The following LDLRAD4 variants were observed in gnomAD, a reference collection of about 807,000 sequenced individuals.
LDLRAD4 encodes the protein low-density lipoprotein receptor class A domain-containing protein 4.
A neutral mutation model predicts 17.0 loss-of-function variants in LDLRAD4; 5 were observed. That is an observed-to-expected ratio of 0.29 (90% CI 0.15 to 0.62). LDLRAD4 has a LOEUF of 0.62. LDLRAD4 is among the 20% of genes least tolerant of loss of function. The pLI, the probability that LDLRAD4 is intolerant of heterozygous loss-of-function variation, is 0.84. For synonymous variants in LDLRAD4, 168 were observed against 171.8 expected (o/e 0.98, Z 0.17); for missense variants, 340 against 424.7 (o/e 0.80, Z 1.75).
intron 4 of LDLRAD4, among the ~76,000 whole-genome samples, chr18:13,636,081 T>C (rs1340173413): frequency 6.6e-6 from 1 of 152,062 alleles, no homozygotes; most frequent in Admixed American, 6.5e-5. Context: ...CAAAGAAAAA[T>C]GTTCTCATCC....
At chr18:13,609,208 G>A (rs2039246218) in intron 3 of LDLRAD4, among the ~76,000 whole-genome samples, 1 of 152,212 alleles carries the variant, frequency 6.6e-6, no homozygotes, top group Non-Finnish European at 1.5e-5. Flanking sequence ...TCTGAATGAA[G>A]GGAAAAGAAA....
chr18:13,301,122 A>G (rs1013597700), intron 1 of LDLRAD4, among the ~76,000 whole-genome samples: 5 of 152,188 alleles, frequency 3.3e-5, no homozygotes, highest in African/African-American at 1.2e-4. Context: ...AAGCATTTCC[A>G]GCCAGTGAGT....
At chr18:13,596,997 G>A (rs2095103892) in intron 3 of LDLRAD4, among the ~76,000 whole-genome samples, 1 of 152,172 alleles carries the variant, frequency 6.6e-6, no homozygotes, top group African/African-American at 2.4e-5. Flanking sequence ...TTATCATTAT[G>A]CAGTTATCTT....
chr18:13,227,370 C>T (rs1203053603), intron 1 of LDLRAD4, among the ~76,000 whole-genome samples: 1 of 152,204 alleles, frequency 6.6e-6, no homozygotes, highest in African/African-American at 2.4e-5. Context: ...AAGATGGCAC[C>T]ACTTTCTCTA....
At chr18:13,330,443 G>C (rs1276886537) in intron 1 of LDLRAD4, among the ~76,000 whole-genome samples, 8 of 152,064 alleles carry the variant, frequency 5.3e-5, no homozygotes, top group Non-Finnish European at 1.5e-5. Context: ...TGTATCTTCT[G>C]TTTCTTCAAG....
intron 4 of LDLRAD4, among the ~76,000 whole-genome samples, chr18:13,628,070 G>A (rs2041331264): frequency 6.6e-6 from 1 of 152,056 alleles, no homozygotes; most frequent in South Asian, 2.1e-4. Flanking sequence ...ATCCCTCGGA[G>A]GGCACAGGGA....
chr18:13,610,305 T>TTTTTTTTTTTTTTTTTTTTTTTTC lies in LDLRAD4; in HGVS notation c.182-10812_182-10811insTTTTTTTTTTTTTTTTTTTTTTTC, dbSNP rs1491536129. Among the ~76,000 whole-genome samples, 11 of 24,360 alleles carry TTTTTTTTTTTTTTTTTTTTTTTTC rather than the reference T, an allele frequency of 4.5e-4. 1 individual carries two copies. The highest frequency in any genetic ancestry group is 5.4e-4 in the African/African-American group (4 of 7,386). The allele number at this position is 24,360 out of a possible 152,430, so 16.0% of individuals were successfully genotyped here. A position where few individuals can be genotyped will look rare whatever the true frequency, so the allele number is the denominator to read the frequency against. ...TTTTTTTTTTTTTTTTTTTTTTTTT[T>TTTTTTTTTTTTTTTTTTTTTTTTC]GAGACGGAGTCTCACTCTGTCGCCC... On this transcript the variant is annotated intron_variant, in intron 3 of 5. Transcript: ENST00000359446.
chr18:13,358,754 T>C (rs1388503111), intron 1 of LDLRAD4, among the ~76,000 whole-genome samples: 1 of 152,228 alleles, frequency 6.6e-6, no homozygotes, highest in Admixed American at 6.5e-5. Flanking sequence ...CTGTAATTGA[T>C]ACTTAGAAAG....
intron 4 of LDLRAD4, among the ~76,000 whole-genome samples, chr18:13,623,575 C>T (rs2148830359): frequency 6.6e-6 from 1 of 152,354 alleles, no homozygotes; most frequent in East Asian, 1.9e-4. Flanking sequence ...TTTCATAAAA[C>T]ACAAGATGCA....
chr18:13,638,595 G>A (rs2042269721), intron 4 of LDLRAD4, among the ~76,000 whole-genome samples: 1 of 152,218 alleles, frequency 6.6e-6, no homozygotes, highest in Admixed American at 6.5e-5. Flanking sequence ...CCTGGGGCAG[G>A]TATAACAGCC....
At chr18:13,380,369 CTG>C (rs1287577345) in intron 1 of LDLRAD4, among the ~76,000 whole-genome samples, 3 of 152,208 alleles carry the variant, frequency 2.0e-5, no homozygotes, top group Non-Finnish European at 4.4e-5. Flanking sequence ...CCTGTGGCCG[CTG>C]TGTGTAGACA....
intron 1 of LDLRAD4, among the ~76,000 whole-genome samples, chr18:13,221,228 C>A (rs2041435818): frequency 6.6e-6 from 1 of 152,204 alleles, no homozygotes; most frequent in Non-Finnish European, 1.5e-5. Context: ...TGTATAGCGG[C>A]ACATGGATAT....
At chr18:13,539,208 C>T (rs999529848) in intron 3 of LDLRAD4, among the ~76,000 whole-genome samples, 1 of 152,128 alleles carries the variant, frequency 6.6e-6, no homozygotes, top group South Asian at 2.1e-4. Context: ...TTCGAGACCT[C>T]TGGGGAGACA....
intron 1 of LDLRAD4, chr18:13,242,170 G>T (rs1345911739): frequency 2.0e-5 from 3 of 152,248 alleles, no homozygotes; most frequent in African/African-American, 7.2e-5. Flanking sequence ...CCAAGAACGT[G>T]CTTCTGACTT....
intron 3 of LDLRAD4, among the ~76,000 whole-genome samples, chr18:13,595,866 A>C (rs751894454): frequency 8.5e-5 from 13 of 152,154 alleles, no homozygotes; most frequent in Non-Finnish European, 1.6e-4. Context: ...TGTTCTATAG[A>C]GGTCCATCTG....
chr18:13,559,336 C>G (rs2148184998), intron 3 of LDLRAD4, among the ~76,000 whole-genome samples: 1 of 152,272 alleles, frequency 6.6e-6, no homozygotes. Context: ...TCCCAGAGAC[C>G]TGGAAGAGGG....
intron 3 of LDLRAD4, among the ~76,000 whole-genome samples, chr18:13,592,500 GA>G (rs1200269451): frequency 6.6e-6 from 1 of 152,222 alleles, no homozygotes; most frequent in Admixed American, 6.5e-5. Context: ...TTAGGAAAGT[GA>G]ATGACTTGTC....
At position 13,550,817 on chromosome 18, in the gene LDLRAD4, G is replaced by A. The variant is rs568787348; in HGVS notation, c.182-70300G>A. ...CCGCTGTGAGTGGTGTCCAGAACCT[G>A]GCTCCAAGTCCCTTCCTCTGCGAGC... On this transcript the variant is annotated intron_variant, in intron 3 of 5. Coordinates refer to ENST00000359446, the Ensembl canonical transcript of LDLRAD4. Among the ~76,000 whole-genome samples, 6 of 152,278 alleles carry A rather than the reference G, an allele frequency of 3.9e-5. No homozygotes were observed. The South Asian group carries it at 1.2e-3, about 32-fold the overall frequency.
chr18:13,553,460 A>G (rs1334479429), intron 3 of LDLRAD4, among the ~76,000 whole-genome samples: 1 of 152,226 alleles, frequency 6.6e-6, no homozygotes, highest in African/African-American at 2.4e-5. Context: ...TAACACAGAA[A>G]TAAATTAAAT....
Sources: gnomAD v4.1 joint callset for allele counts (sites outside exome capture counted in the v4.1 genomes callset) on GRCh38, gnomAD v4.1.1 for gene constraint, MANE v1.5 for transcripts, NCBI Gene and HGNC (gene_info 2026-07-23, HGNC 2026-07-21) for gene names.